Variants in SULF2 observed in about 807,000 individuals in gnomAD.
SULF2 encodes the protein sulfatase 2.
A neutral mutation model predicts 107.7 loss-of-function variants in SULF2; 52 were observed. The ratio of observed to expected loss-of-function variants is 0.48; its 90% confidence interval spans 0.39 to 0.61. The LOEUF (loss-of-function observed/expected upper bound fraction) is 0.61. Among genes scored for constraint, SULF2 ranks in the 20% least tolerant of loss-of-function variants. SULF2 has a pLI of 0.00. For missense variants in SULF2, 993 were observed against 1,177.3 expected (o/e 0.84, Z 2.29); for synonymous variants, 460 against 464.3 (o/e 0.99, Z 0.12).
chr20:47,702,656 A>G lies in SULF2; in HGVS notation c.430T>C (p.Tyr144His), dbSNP rs746523224. Residue 144 changes from tyrosine to histidine, a missense_variant, in exon 4 of 21, where the codon TAT becomes CAT. Physicochemically the swap from Tyr to His is moderately conservative, Grantham distance 83 (BLOSUM62 2). Transcript: ENST00000688720. The stretch of plus-strand genomic sequence containing the variant: ...TAGGAGCCGTTGTATTCATTAAGAT[A>G]CTTCCCGAAGAAAGCTGCGGAGGGA... ...TGYRTAFFGK[Y>H]LNEYNGSYVP... 6.2e-6 allele frequency: 10 copies of G among 1,613,702 alleles called. No homozygotes were observed. Among genetic ancestry groups the G allele is most frequent in the Non-Finnish European group, 8.5e-6 (10 of 1,179,932 alleles).
intron 4 of SULF2, among the ~76,000 whole-genome samples, chr20:47,693,047 T>C (rs1052945751): frequency 1.3e-5 from 2 of 152,218 alleles, no homozygotes; most frequent in Non-Finnish European, 2.9e-5. Context: ...TGCTTCTTTA[T>C]ATATTGCTCC....
Position 47,676,592 on chromosome 20 carries a change from C to A in SULF2, c.1282G>T (p.Val428Leu). 1 of 1,560,294 alleles carries A rather than the reference C, an allele frequency of 6.4e-7. No individual in the cohort carries two copies. Among genetic ancestry groups the A allele is most frequent in the Non-Finnish European group, 8.7e-7 (1 of 1,151,800 alleles). Reference protein sequence around the residue: ...KLLHKRDNDKVDAQEENFLPK... With the variant: ...KLLHKRDNDKLDAQEENFLPK... ...AGAAAGTTCTCCTCCTGGGCGTCCA[C>A]CTTGTCATTGTCTCTCTTGTGTAGC... The change falls in exon 10 of 21, where the codon GTG (valine) becomes TTG (leucine). Residue 428 changes from valine to leucine, a missense_variant. Val to Leu is a conservative substitution (Grantham distance 32). Coordinates refer to ENST00000688720, the MANE Select transcript of SULF2 (RefSeq NM_001387048.1).
At chr20:47,704,876 A>AGTG (rs1284743634) in intron 3 of SULF2, among the ~76,000 whole-genome samples, 1 of 151,990 alleles carries the variant, frequency 6.6e-6, no homozygotes, top group African/African-American at 2.4e-5. Flanking sequence ...GAAGGAGGAG[A>AGTG]GTGGGTGGGA....
chr20:47,731,400 T>C (rs112897177), intron 3 of SULF2, among the ~76,000 whole-genome samples: 2,482 of 151,680 alleles, frequency 0.016, 60 homozygotes, highest in African/African-American at 0.057. Context: ...ACCATGTTGG[T>C]CAGGCTGGTC....
Position 47,663,518 on chromosome 20 carries a change from C to T in SULF2, c.2162G>A (p.Ser721Asn). The T allele has an allele frequency of 6.2e-7, 1 of 1,612,736 alleles. No homozygotes were observed. Among genetic ancestry groups the T allele is most frequent in the South Asian group, 1.1e-5 (1 of 91,088 alleles). Residue 721 changes from serine to asparagine, a missense_variant, in exon 16 of 21, where the codon AGC becomes AAC. By Grantham distance (46) the Ser-to-Asn change is conservative (BLOSUM62 1). Transcript: ENST00000688720. ...LKRLQNNDTCSMPGLTCFTHD... is the reference protein window; with the variant it reads ...LKRLQNNDTCNMPGLTCFTHD... ...GGTGAAGCACGTGAGGCCTGGCATGCTGCACGTGTCGTTGTTCTGCAGGCG... is the reference window on the plus strand; with the variant it reads ...GGTGAAGCACGTGAGGCCTGGCATGTTGCACGTGTCGTTGTTCTGCAGGCG...
In SULF2 at chr20:47,665,235, T is replaced by A. The variant is rs756600245; in HGVS notation, c.1961A>T (p.Lys654Ile). Residue 654 changes from lysine (K) to isoleucine (I), a missense_variant, in exon 14 of 21, where the codon AAA becomes ATA. Coordinates refer to ENST00000688720, the MANE Select transcript of SULF2 (RefSeq NM_001387048.1). ...ACAGTCACATTCTTCTGGCCGCTTT[T>A]TCTTCAGGTGACCTCGGACTTCCCT... ...NLREVRGHLKKKRPEECDCHK... is the reference protein window; with the variant it reads ...NLREVRGHLKIKRPEECDCHK... 1.9e-6 allele frequency: 3 copies of A among 1,614,192 alleles called. No homozygotes were observed. The Admixed American group carries it at 5.0e-5, about 27-fold the overall frequency.
In SULF2 at chr20:47,730,596, G is replaced by A. The variant is rs376337083; in HGVS notation, c.415+6107C>T. On this transcript the variant is annotated intron_variant, in intron 3 of 20. Transcript: ENST00000688720. ...CTCCCTAGTAGCTGGGATTACAGGC[G>A]CCCACCACCACACTCAGCTAATTTT... is the stretch of plus-strand genomic sequence containing the variant. 2.2e-4 allele frequency among the ~76,000 whole-genome samples: 33 copies of A among 151,986 alleles called. No individual in the cohort carries two copies. In the East Asian group the frequency reaches 2.3e-3, roughly 11 times the overall value.
intron 3 of SULF2, among the ~76,000 whole-genome samples, chr20:47,703,415 C>T (rs1238824982): frequency 1.3e-5 from 2 of 152,148 alleles, no homozygotes; most frequent in African/African-American, 4.8e-5. Context: ...TAGTGAAAAC[C>T]AGAGTGTCAC....
intron 1 of SULF2, among the ~76,000 whole-genome samples, chr20:47,774,881 A>G (rs192360803): frequency 3.9e-4 from 60 of 152,332 alleles, no homozygotes; most frequent in Non-Finnish European, 1.0e-4. Flanking sequence ...TGTCAAGGGC[A>G]GAAAGAAAAA....
intron 1 of SULF2, among the ~76,000 whole-genome samples, chr20:47,771,721 G>T (rs11907709): frequency 1.3e-5 from 2 of 152,112 alleles, no homozygotes; most frequent in African/African-American, 4.8e-5. Context: ...GGGGGCGGGG[G>T]CAGTGATGAT....
intron 11 of SULF2, among the ~76,000 whole-genome samples, chr20:47,670,411 C>G (rs948875332): frequency 2.6e-5 from 4 of 151,446 alleles, no homozygotes; most frequent in Admixed American, 6.6e-5. Flanking sequence ...AGACTGGTCT[C>G]GAACTTCTGA....
At chr20:47,728,150 C>T (rs1047225495) in intron 3 of SULF2, among the ~76,000 whole-genome samples, 2 of 152,024 alleles carry the variant, frequency 1.3e-5, no homozygotes, top group South Asian at 2.1e-4. Flanking sequence ...CCCCACAGGC[C>T]GGAGAGGGGG....
chr20:47,670,680 TGG>T, intron 11 of SULF2, among the ~76,000 whole-genome samples: 3 of 336 alleles, frequency 8.9e-3, no homozygotes, highest in Non-Finnish European at 0.012. Flanking sequence ...GACAGCAGGG[TGG>T]GAGAGCGGGG....
intron 2 of SULF2, among the ~76,000 whole-genome samples, chr20:47,751,581 G>A (rs891462537): frequency 6.6e-6 from 1 of 152,202 alleles, no homozygotes; most frequent in Admixed American, 6.5e-5. Flanking sequence ...TGGCCTGAGA[G>A]TAAAGCCAAC....
intron 11 of SULF2, among the ~76,000 whole-genome samples, chr20:47,667,785 A>G (rs538276731): frequency 6.6e-6 from 1 of 152,122 alleles, no homozygotes; most frequent in Non-Finnish European, 1.5e-5. Flanking sequence ...TGACCCCGAG[A>G]TGGTGACCAA....
intron 1 of SULF2, among the ~76,000 whole-genome samples, chr20:47,778,544 G>A (rs2090765180): frequency 6.6e-6 from 1 of 152,212 alleles, no homozygotes; most frequent in African/African-American, 2.4e-5. Context: ...AAGAAGCCCT[G>A]GCCTGGGCTG....
chr20:47,674,084 G>A (rs1449990154), intron 10 of SULF2, among the ~76,000 whole-genome samples: 1 of 152,216 alleles, frequency 6.6e-6, no homozygotes, highest in East Asian at 1.9e-4. Flanking sequence ...AACCAAGGAC[G>A]GTTTTTACAT....
chr20:47,721,285 C>A (rs565827595), intron 3 of SULF2, among the ~76,000 whole-genome samples: 1 of 151,868 alleles, frequency 6.6e-6, no homozygotes, highest in Non-Finnish European at 1.5e-5. Flanking sequence ...TGATTCCGCA[C>A]GAAAGAGGCA....
At position 47,684,445 on chromosome 20, in the gene SULF2, C is replaced by G. The variant is rs773255897; in HGVS notation, c.874G>C (p.Asp292His). Reference sequence around the variant, plus strand: ...CGGGCGCCTACCGTCTCCATGGAGTCGTCCACCGACATGAGGGTCTGCAAG... The same window carrying G: ...CGGGCGCCTACCGTCTCCATGGAGTGGTCCACCGACATGAGGGTCTGCAAG... ...KRLQTLMSVD[D>H]SMETIYNMLV... Residue 292 changes from aspartate to histidine, a missense_variant, in exon 6 of 21, where the codon GAC becomes CAC. This residue lies in a region of SULF2 where 388 missense variants were observed against 449.2 expected (regional missense o/e 0.86). Transcript: ENST00000688720. The G allele has an allele frequency of 1.7e-5, 27 of 1,611,360 alleles. No homozygotes were observed. The highest frequency in any genetic ancestry group is 2.1e-5 in the Non-Finnish European group (25 of 1,178,838).
Sources: gnomAD v4.1 joint callset for allele counts (sites outside exome capture counted in the v4.1 genomes callset) on GRCh38, gnomAD v4.1.1 for gene constraint, gnomAD v4.1.1 regional missense constraint, MANE v1.5 for transcripts, NCBI Gene and HGNC (gene_info 2026-07-23, HGNC 2026-07-21) for gene names.